RGS7: variants seen among roughly 807,000 people sequenced by gnomAD.
RGS7 encodes regulator of G-protein signaling 7.
A neutral mutation model predicts 81.1 loss-of-function variants in RGS7; 27 were observed. That is an observed-to-expected ratio of 0.33 (90% CI 0.25 to 0.46). RGS7 has a LOEUF of 0.46. Among genes scored for constraint, RGS7 ranks in the 20% least tolerant of loss-of-function variants. The probability of loss-of-function intolerance (pLI) is 1.00; values close to 1 mark genes in which losing one functional copy is unlikely to be tolerated. For synonymous variants in RGS7, 208 were observed against 207.7 expected (o/e 1.00, Z -0.01); for missense variants, 396 against 607.4 (o/e 0.65, Z 3.66).
intron 9 of RGS7, among the ~76,000 whole-genome samples, chr1:240,841,040 T>A (rs1657872484): frequency 6.6e-6 from 1 of 152,222 alleles, no homozygotes; most frequent in Non-Finnish European, 1.5e-5. Flanking sequence ...TATCATACAT[T>A]TATTTAACAG....
chr1:241,182,785 A>G (rs2071741121), intron 2 of RGS7, among the ~76,000 whole-genome samples: 1 of 150,078 alleles, frequency 6.7e-6, no homozygotes, highest in African/African-American at 2.5e-5. Flanking sequence ...AGTAGCTGGG[A>G]TTACAGGCAC....
chr1:241,196,505 C>G (rs1242434129), intron 2 of RGS7, among the ~76,000 whole-genome samples: 3 of 151,970 alleles, frequency 2.0e-5, no homozygotes, highest in African/African-American at 4.8e-5. Flanking sequence ...AAAAACCAGA[C>G]AGTGCACACA....
At chr1:241,272,155 G>C (rs201061848) in intron 2 of RGS7, among the ~76,000 whole-genome samples, 1 of 151,900 alleles carries the variant, frequency 6.6e-6, no homozygotes, top group East Asian at 1.9e-4. Context: ...CACCACGCCT[G>C]GCTAATTTTT....
chr1:241,304,697 T>C lies in RGS7; in HGVS notation c.78+51002A>G, dbSNP rs143085724. 2.4e-3 allele frequency among the ~76,000 whole-genome samples: 370 copies of C among 152,320 alleles called. 4 individuals carry two copies. The highest frequency in any genetic ancestry group is 8.1e-3 in the African/African-American group (337 of 41,582). ...GCTAAATAGGCAGTTAGTTTAAAAT[T>C]CCAGTTATGTACTTTTGAAAGACAG... is the stretch of plus-strand genomic sequence containing the variant. On this transcript the variant is annotated intron_variant, in intron 2 of 18. Coordinates refer to ENST00000440928, the MANE Select transcript of RGS7 (RefSeq NM_001364886.1).
At chr1:240,777,499 T>C (rs1443246415) in intron 18 of RGS7, among the ~76,000 whole-genome samples, 1 of 152,186 alleles carries the variant, frequency 6.6e-6, no homozygotes, top group Non-Finnish European at 1.5e-5. Context: ...TGCTACCTAA[T>C]GTGGCTCAGT....
chr1:241,001,880 C>G (rs1688191322), intron 3 of RGS7, among the ~76,000 whole-genome samples: 1 of 151,910 alleles, frequency 6.6e-6, no homozygotes, highest in South Asian at 2.1e-4. Flanking sequence ...ATAGAATGCA[C>G]AACACCAATG....
intron 2 of RGS7, among the ~76,000 whole-genome samples, chr1:241,301,795 T>C (rs1358175395): frequency 6.6e-6 from 1 of 152,270 alleles, no homozygotes; most frequent in Non-Finnish European, 1.5e-5. Flanking sequence ...AACAAGCTTA[T>C]GCTGACCTTT....
chr1:241,176,343 G>T (rs2071140943), intron 2 of RGS7, among the ~76,000 whole-genome samples: 1 of 152,190 alleles, frequency 6.6e-6, no homozygotes, highest in South Asian at 2.1e-4. Context: ...AAGCTATCCA[G>T]GACATTATTT....
At chr1:241,289,920 G>A (rs2079005033) in intron 2 of RGS7, among the ~76,000 whole-genome samples, 1 of 152,110 alleles carries the variant, frequency 6.6e-6, no homozygotes, top group African/African-American at 2.4e-5. Context: ...TGCCTAGTGC[G>A]GAAGAGGAAA....
At chr1:241,024,153 G>A (rs1258951070) in intron 3 of RGS7, among the ~76,000 whole-genome samples, 3 of 152,160 alleles carry the variant, frequency 2.0e-5, no homozygotes, top group African/African-American at 7.2e-5. Context: ...TAGCTTTGGC[G>A]GTCATGTCTG....
At chr1:241,316,485 A>T (rs2080885924) in intron 2 of RGS7, among the ~76,000 whole-genome samples, 1 of 152,224 alleles carries the variant, frequency 6.6e-6, no homozygotes, top group Non-Finnish European at 1.5e-5. Flanking sequence ...ATAAAGAGAT[A>T]CTTAATACTT....
intron 4 of RGS7, among the ~76,000 whole-genome samples, chr1:240,938,892 C>G (rs1333579631): frequency 6.6e-6 from 1 of 151,852 alleles, no homozygotes; most frequent in Admixed American, 6.6e-5. Context: ...TCAAGGCCTT[C>G]TCAAAGCATG....
intron 2 of RGS7, among the ~76,000 whole-genome samples, chr1:241,350,305 A>G (rs10737862): frequency 0.96 from 146,736 of 152,298 alleles, 70,935 homozygotes; most frequent in East Asian, 1. Context: ...ATAAAAACAG[A>G]TCTGAATATG....
At chr1:240,955,327 C>G (rs191971489) in intron 4 of RGS7, among the ~76,000 whole-genome samples, 2 of 151,942 alleles carry the variant, frequency 1.3e-5, no homozygotes, top group African/African-American at 4.8e-5. Flanking sequence ...CCGAGGCGGG[C>G]GGATCACAAG....
At chr1:241,096,219 G>A (rs1429954810) in intron 3 of RGS7, among the ~76,000 whole-genome samples, 1 of 152,154 alleles carries the variant, frequency 6.6e-6, no homozygotes, top group South Asian at 2.1e-4. Context: ...AGCTGAAAGA[G>A]CTGGGAAAGC....
At chr1:241,111,166 A>C (rs186307266) in intron 2 of RGS7, among the ~76,000 whole-genome samples, 1 of 152,324 alleles carries the variant, frequency 6.6e-6, no homozygotes, top group East Asian at 1.9e-4. Flanking sequence ...ATTCATACAA[A>C]TATTTCGGAA....
At chr1:240,811,872 C>A (rs759461956) in intron 14 of RGS7, 46 bp downstream of exon 14, 2 of 1,518,244 alleles carry the variant, frequency 1.3e-6, no homozygotes, top group Non-Finnish European at 9.2e-7. Flanking sequence ...AGACACATCA[C>A]AGACAGTATT....
At chr1:241,331,938 C>A (rs752200300) in intron 2 of RGS7, among the ~76,000 whole-genome samples, 20 of 152,118 alleles carry the variant, frequency 1.3e-4, no homozygotes, top group Non-Finnish European at 2.2e-4. Flanking sequence ...AACCTGCTGG[C>A]CTGGGAATGT....
At chr1:240,849,974 G>T (rs552350878) in intron 9 of RGS7, among the ~76,000 whole-genome samples, 22 of 152,310 alleles carry the variant, frequency 1.4e-4, no homozygotes, top group African/African-American at 4.6e-4. Context: ...TTACCAAGAG[G>T]CAGGAAGGTG....
Sources: gnomAD v4.1 joint callset for allele counts (sites outside exome capture counted in the v4.1 genomes callset) on GRCh38, gnomAD v4.1.1 for gene constraint, MANE v1.5 for transcripts, NCBI Gene and HGNC (gene_info 2026-07-23, HGNC 2026-07-21) for gene names.